Variants in MAPRE3 observed in about 807,000 individuals in gnomAD.
The protein encoded by MAPRE3 is microtubule associated protein RP/EB family member 3.
Under a neutral mutation model 30.5 loss-of-function variants are expected in MAPRE3, and 2 were observed. The observed-to-expected ratio is 0.07, with a 90% CI of 0.03 to 0.21. The LOEUF is 0.21. MAPRE3 is among the 10% of genes least tolerant of loss of function. The pLI is 1.00. For missense variants in MAPRE3, 204 were observed against 351.8 expected (o/e 0.58, Z 3.36); for synonymous variants, 110 against 127.7 (o/e 0.86, Z 0.93).
At chr2:26,995,831 A>ATATG (rs1553327999) in intron 1 of MAPRE3, among the ~76,000 whole-genome samples, 148 of 80,750 alleles carry the variant, frequency 1.8e-3, no homozygotes, top group African/African-American at 7.3e-3. Context: ...GTGTGTGTGT[A>ATATG]TGTGTGTGTG....
chr2:27,017,963 C>A (rs1222588880), intron 1 of MAPRE3, among the ~76,000 whole-genome samples: 1 of 152,136 alleles, frequency 6.6e-6, no homozygotes, highest in East Asian at 1.9e-4. Flanking sequence ...ATGGAAGAGG[C>A]CTGAACCATT....
At chr2:27,017,980 T>C (rs188707840) in intron 1 of MAPRE3, among the ~76,000 whole-genome samples, 1 of 152,252 alleles carries the variant, frequency 6.6e-6, no homozygotes, top group East Asian at 1.9e-4. Context: ...CATTAGCAGG[T>C]CCAATCCTGT....
At chr2:27,009,554 G>A (rs1352932470) in intron 1 of MAPRE3, among the ~76,000 whole-genome samples, 1 of 152,110 alleles carries the variant, frequency 6.6e-6, no homozygotes, top group Admixed American at 6.5e-5. Context: ...GCAATATTTT[G>A]TATTGTTGAC....
In MAPRE3 at chr2:27,024,130, T is replaced by C; in HGVS notation, c.302T>C (p.Phe101Ser). ...GTAGAGAAATTAGTGAAAGGAAAAT[T>C]CCAAGATAATTTTGAGTTTATTCAG... The part of the protein sequence containing the change: ...IPVEKLVKGK[F>S]QDNFEFIQWF... Residue 101 changes from phenylalanine (F) to serine (S), a missense_variant, in exon 4 of 7, where the codon TTC (phenylalanine) becomes TCC (serine). Coordinates refer to ENST00000233121, the MANE Select transcript of MAPRE3 (RefSeq NM_012326.4). 1.2e-6 allele frequency: 2 copies of C among 1,614,094 alleles called. No individual in the cohort carries two copies. Among genetic ancestry groups the C allele is most frequent in the Non-Finnish European group, 1.7e-6 (2 of 1,179,950 alleles).
intron 1 of MAPRE3, among the ~76,000 whole-genome samples, chr2:26,995,774 A>AAG: frequency 1.8e-5 from 1 of 54,752 alleles, no homozygotes; most frequent in South Asian, 7.9e-4. Flanking sequence ...GGGTCTTTCT[A>AAG]AGAGAGGTGT....
At chr2:26,971,783 T>C (rs1309208880) in intron 1 of MAPRE3, among the ~76,000 whole-genome samples, 1 of 152,156 alleles carries the variant, frequency 6.6e-6, no homozygotes, top group African/African-American at 2.4e-5. Flanking sequence ...TAGTGAGTTT[T>C]TAACATAACG....
intron 1 of MAPRE3, among the ~76,000 whole-genome samples, chr2:27,002,671 GC>G: frequency 6.6e-6 from 1 of 152,296 alleles, no homozygotes; most frequent in South Asian, 2.1e-4. Context: ...GGGTCTGCAG[GC>G]TGTCCTGTAT....
chr2:27,026,295 C>T lies in MAPRE3; in HGVS notation c.793C>T (p.Pro265Ser). 6.2e-7 allele frequency: 1 copy of T among 1,614,000 alleles called. No homozygotes were observed. Among genetic ancestry groups the T allele is most frequent in the Non-Finnish European group, 8.5e-7 (1 of 1,179,930 alleles). ...CACCCTCCAGGAAGGATTCGCACCC[C>T]CTGAGGACGATGAGATTGAAGAGCA... is the stretch of plus-strand genomic sequence containing the variant. ...LYATEEGFAP[P>S]EDDEIEEHQQ... Residue 265 changes from proline to serine, a missense_variant, in exon 7 of 7, where the codon CCT becomes TCT. By Grantham distance (74) the Pro-to-Ser change is moderately conservative (BLOSUM62 -1). Coordinates refer to ENST00000233121, the MANE Select transcript of MAPRE3 (RefSeq NM_012326.4).
intron 4 of MAPRE3, among the ~76,000 whole-genome samples, chr2:27,025,043 C>G (rs1455411188): frequency 6.6e-6 from 1 of 152,198 alleles, no homozygotes; most frequent in African/African-American, 2.4e-5. Flanking sequence ...GGCATGCTGG[C>G]TGCGCTGGGG....
chr2:26,999,702 A>G (rs1451087471), intron 1 of MAPRE3, among the ~76,000 whole-genome samples: 1 of 151,762 alleles, frequency 6.6e-6, no homozygotes, highest in African/African-American at 2.4e-5. Context: ...GGGTTTCTCC[A>G]TGTTGGTCAG....
chr2:26,994,026 C>A (rs1266496650), intron 1 of MAPRE3, among the ~76,000 whole-genome samples: 1 of 152,214 alleles, frequency 6.6e-6, no homozygotes, highest in Non-Finnish European at 1.5e-5. Flanking sequence ...TGTGTGGGAG[C>A]TGTCCAACAT....
chr2:26,987,194 T>C (rs997254365), intron 1 of MAPRE3, among the ~76,000 whole-genome samples: 7 of 152,178 alleles, frequency 4.6e-5, no homozygotes, highest in South Asian at 2.1e-4. Flanking sequence ...ATTTCCTCCT[T>C]GAAGAGGATG....
intron 1 of MAPRE3, among the ~76,000 whole-genome samples, chr2:26,987,027 T>C (rs1394772082): frequency 1.3e-5 from 2 of 152,178 alleles, no homozygotes; most frequent in African/African-American, 4.8e-5. Context: ...ACGGAATTAC[T>C]TGAAGCGGTT....
chr2:27,022,944 G>A (rs1667140934), intron 2 of MAPRE3: 2 of 170,888 alleles, frequency 1.2e-5, no homozygotes, highest in Non-Finnish European at 2.5e-5. Context: ...TGGCAGCAGA[G>A]CCACAGGTCT....
chr2:27,005,775 T>C (rs918477406), intron 1 of MAPRE3, among the ~76,000 whole-genome samples: 1 of 152,194 alleles, frequency 6.6e-6, no homozygotes, highest in Admixed American at 6.5e-5. Context: ...AGGGAGAAAG[T>C]AATGGGATTT....
intron 1 of MAPRE3, chr2:27,002,063 C>T (rs1666613006): frequency 6.6e-6 from 1 of 152,270 alleles, no homozygotes; most frequent in Non-Finnish European, 1.5e-5. Flanking sequence ...TTTACGGTCT[C>T]AAGGTGGCTC....
At chr2:26,990,305 TC>T (rs1223802248) in intron 1 of MAPRE3, among the ~76,000 whole-genome samples, 2 of 152,274 alleles carry the variant, frequency 1.3e-5, no homozygotes, top group Middle Eastern at 6.8e-3. Flanking sequence ...CCCCATGCTC[TC>T]CCCGCTCCCT....
chr2:26,998,774 G>A (rs1285145797), intron 1 of MAPRE3, among the ~76,000 whole-genome samples: 1 of 152,250 alleles, frequency 6.6e-6, no homozygotes, highest in Non-Finnish European at 1.5e-5. Context: ...CTTTCCAGGG[G>A]AGTTGACACT....
Position 27,024,131 on chromosome 2 carries a change from C to T in MAPRE3, c.303C>T (p.Phe101=). 11 of 1,613,958 alleles carry T rather than the reference C, an allele frequency of 6.8e-6. No homozygotes were observed. The highest frequency in any genetic ancestry group is 9.3e-6 in the Non-Finnish European group (11 of 1,179,842). ...IPVEKLVKGK[F]QDNFEFIQWF... ...TAGAGAAATTAGTGAAAGGAAAATT[C>T]CAAGATAATTTTGAGTTTATTCAGT... Residue 101 remains phenylalanine, a synonymous_variant, in exon 4 of 7, where the codon TTC becomes TTT. Coordinates refer to ENST00000233121, the MANE Select transcript of MAPRE3 (RefSeq NM_012326.4).
Sources: gnomAD v4.1 joint callset for allele counts (sites outside exome capture counted in the v4.1 genomes callset) on GRCh38, gnomAD v4.1.1 for gene constraint, MANE v1.5 for transcripts, NCBI Gene and HGNC (gene_info 2026-07-23, HGNC 2026-07-21) for gene names.